Variants in ROCK2 observed in about 807,000 individuals in gnomAD.
The protein encoded by ROCK2 is Rho associated coiled-coil containing protein kinase 2, also known as rho-associated protein kinase 2.
Under a neutral mutation model 195.1 loss-of-function variants are expected in ROCK2, and 61 were observed. The observed-to-expected ratio is 0.31, with a 90% CI of 0.25 to 0.39. The LOEUF is 0.39. ROCK2 is among the 10% of genes least tolerant of loss of function. The probability of loss-of-function intolerance (pLI) is 1.00; values close to 1 mark genes in which losing one functional copy is unlikely to be tolerated. For synonymous variants in ROCK2, 504 were observed against 545.5 expected (o/e 0.92, Z 1.06); for missense variants, 1,109 against 1,637.4 (o/e 0.68, Z 5.57).
At chr2:11,326,652 T>C (rs1572411970) in intron 1 of ROCK2, among the ~76,000 whole-genome samples, 1 of 152,318 alleles carries the variant, frequency 6.6e-6, no homozygotes, top group South Asian at 2.1e-4. Context: ...GGTTGTTTTA[T>C]GAACATGTTT....
intron 1 of ROCK2, among the ~76,000 whole-genome samples, chr2:11,343,777 C>T (rs1669187142): frequency 6.6e-6 from 1 of 152,220 alleles, no homozygotes; most frequent in African/African-American, 2.4e-5. Context: ...GGGGATGACA[C>T]TGGCTCCAGC....
intron 18 of ROCK2, among the ~76,000 whole-genome samples, chr2:11,209,545 T>C (rs986847388): frequency 6.6e-6 from 1 of 152,210 alleles, no homozygotes; most frequent in Non-Finnish European, 1.5e-5. Flanking sequence ...TGAGTAATCT[T>C]TGCTTTTTTC....
chr2:11,331,819 G>A (rs1458782055), intron 1 of ROCK2, among the ~76,000 whole-genome samples: 5 of 152,256 alleles, frequency 3.3e-5, no homozygotes, highest in Middle Eastern at 3.4e-3. Context: ...CCAGCTACTC[G>A]GGAGGCTGAG....
chr2:11,295,879 C>T (rs1049287635), intron 1 of ROCK2, among the ~76,000 whole-genome samples: 2 of 151,702 alleles, frequency 1.3e-5, no homozygotes, highest in African/African-American at 4.8e-5. Context: ...ATCACTTAAA[C>T]CCAAGAGGCG....
At position 11,192,067 on chromosome 2, in the gene ROCK2, G is replaced by C. The variant is rs1663443240; in HGVS notation, c.4163+81C>G. On this transcript the variant is annotated intron_variant, in intron 32 of 32. Transcript: ENST00000315872. This position sits in a 1 kb window ranked among gnomAD's most constrained non-coding sequence, Gnocchi z 5.0. ...ATACAAAGCAAAGGAAAACTAATTA[G>C]GAAAATTTGTAGTTTGAACATAAAT... 2 of 1,016,114 alleles carry C rather than the reference G, an allele frequency of 2.0e-6. No homozygotes were observed. The highest frequency in any genetic ancestry group is 3.2e-5 in the African/African-American group (2 of 61,600). 62.9% of individuals were successfully genotyped at this position (1,016,114 alleles called of 1,614,324 possible).
chr2:11,288,859 C>T (rs1173574627), intron 1 of ROCK2, among the ~76,000 whole-genome samples: 1 of 152,010 alleles, frequency 6.6e-6, no homozygotes, highest in Non-Finnish European at 1.5e-5. Flanking sequence ...ATCACTTGAG[C>T]CCAGGAGTTC....
chr2:11,269,899 T>C (rs1420461278), intron 3 of ROCK2, among the ~76,000 whole-genome samples: 1 of 152,146 alleles, frequency 6.6e-6, no homozygotes, highest in Non-Finnish European at 1.5e-5. Flanking sequence ...TACAGGCACA[T>C]GCCACCACAT....
At chr2:11,281,880 T>C (rs1056945811) in intron 3 of ROCK2, among the ~76,000 whole-genome samples, 1 of 152,172 alleles carries the variant, frequency 6.6e-6, no homozygotes, top group Non-Finnish European at 1.5e-5. Flanking sequence ...AGACAGTCCA[T>C]GTTCTTGGAT....
chr2:11,210,323 CCT>C (rs1491307419), intron 18 of ROCK2, among the ~76,000 whole-genome samples: 3 of 151,376 alleles, frequency 2.0e-5, no homozygotes. Flanking sequence ...TGAAAATAGT[CCT>C]TTTTTTTTTT....
intron 3 of ROCK2, among the ~76,000 whole-genome samples, chr2:11,266,453 T>C (rs1253070711): frequency 6.6e-6 from 1 of 152,240 alleles, no homozygotes; most frequent in Non-Finnish European, 1.5e-5. Context: ...TGCGCATGAC[T>C]GTACTGTGCA....
intron 4 of ROCK2, among the ~76,000 whole-genome samples, 155 bp from the exon 5 acceptor site, chr2:11,236,117 C>T (rs547467383): frequency 6.6e-6 from 1 of 151,976 alleles, no homozygotes; most frequent in Non-Finnish European, 1.5e-5. Context: ...TAGACTCAGG[C>T]GTATGTAATG....
chr2:11,261,042 A>G (rs548534324), intron 3 of ROCK2, among the ~76,000 whole-genome samples: 1 of 152,322 alleles, frequency 6.6e-6, no homozygotes, highest in South Asian at 2.1e-4. Context: ...TGCTAAATTG[A>G]CTAATTCAAC....
intron 9 of ROCK2, among the ~76,000 whole-genome samples, chr2:11,220,162 C>T (rs1483448037): frequency 6.6e-6 from 1 of 152,208 alleles, no homozygotes; most frequent in Non-Finnish European, 1.5e-5. Context: ...GGATTACAGG[C>T]ATGTGCCACC....
At chr2:11,218,316 T>C (rs546728417) in intron 11 of ROCK2, 139 bp downstream of exon 11, 415 of 500,070 alleles carry the variant, frequency 8.3e-4, no homozygotes, top group Non-Finnish European at 8.7e-4. Flanking sequence ...AAGAGATACT[T>C]GGTAGAAGAA....
At chr2:11,221,472 G>A (rs192124765) in intron 8 of ROCK2, 115 bp from the exon 9 acceptor site, 32 of 691,814 alleles carry the variant, frequency 4.6e-5, no homozygotes, top group East Asian at 3.2e-4. Flanking sequence ...TTGTAGCAGC[G>A]CATTTGCCAT....
intron 3 of ROCK2, among the ~76,000 whole-genome samples, chr2:11,274,895 T>C (rs141836154): frequency 4.6e-5 from 7 of 152,304 alleles, no homozygotes; most frequent in African/African-American, 1.2e-4. Context: ...ATATATTATG[T>C]TTTTTCCTAT....
intron 1 of ROCK2, among the ~76,000 whole-genome samples, chr2:11,291,798 G>A (rs1433671714): frequency 6.6e-6 from 1 of 152,180 alleles, no homozygotes; most frequent in Non-Finnish European, 1.5e-5. Flanking sequence ...AAGATCACCA[G>A]AGGACTGATT....
intron 6 of ROCK2, 88 bp downstream of exon 6, chr2:11,227,166 A>G: frequency 8.0e-7 from 1 of 1,254,464 alleles, no homozygotes; most frequent in Non-Finnish European, 1.1e-6. Context: ...CGACAAAGGC[A>G]ATTAATTTCC....
rs1165950627 is a variant in ROCK2, at chr2:11,249,549, TG to T, written c.462+111del. ...TTGAATCAAATCTCCTAAAAATAAC[TG>T]CACTGTTACCATGTAAATGAAGCAT... On this transcript the variant is annotated intron_variant, in intron 4 of 32. Transcript: ENST00000315872. 6.4e-6 allele frequency: 5 copies of T among 784,356 alleles called. No individual in the cohort carries two copies. In the Admixed American group the frequency reaches 1.3e-4, roughly 20 times the overall value. 48.6% of individuals were successfully genotyped at this position (784,356 alleles called of 1,614,324 possible).
Sources: gnomAD v4.1 joint callset for allele counts (sites outside exome capture counted in the v4.1 genomes callset) on GRCh38, gnomAD v4.1.1 for gene constraint, Gnocchi (gnomAD v3.1) non-coding constraint, MANE v1.5 for transcripts, NCBI Gene and HGNC (gene_info 2026-07-23, HGNC 2026-07-21) for gene names.